Variants in ANGPT1 observed in about 807,000 individuals in gnomAD.
ANGPT1 encodes angiopoietin-1.
In ANGPT1, 17 loss-of-function variants were observed where a neutral mutation model predicts 62.2. The observed-to-expected ratio is 0.27, with a 90% CI of 0.19 to 0.41. The LOEUF (loss-of-function observed/expected upper bound fraction) is 0.41, where lower values mean the gene tolerates loss of function less well. Ranked by LOEUF, ANGPT1 falls within the 10% of genes least tolerant of loss-of-function variation. The pLI, the probability that ANGPT1 is intolerant of heterozygous loss-of-function variation, is 1.00. For synonymous variants in ANGPT1, 199 were observed against 198.9 expected (o/e 1.00, Z 0.00); for missense variants, 478 against 594.9 (o/e 0.80, Z 2.04).
intron 8 of ANGPT1, among the ~76,000 whole-genome samples, chr8:107,259,404 T>C (rs1813442158): frequency 6.6e-6 from 1 of 152,124 alleles, no homozygotes; most frequent in Non-Finnish European, 1.5e-5. Flanking sequence ...ATCTGGAAAG[T>C]TCTAGATGTA....
At chr8:107,324,590 T>C (rs1411109296) in intron 3 of ANGPT1, among the ~76,000 whole-genome samples, 1 of 152,094 alleles carries the variant, frequency 6.6e-6, no homozygotes, top group Non-Finnish European at 1.5e-5. Flanking sequence ...TACATTTCCA[T>C]TGTTTAGAAG....
chr8:107,269,608 G>A (rs969663972), intron 7 of ANGPT1, among the ~76,000 whole-genome samples: 4 of 151,954 alleles, frequency 2.6e-5, no homozygotes, highest in Non-Finnish European at 4.4e-5. Flanking sequence ...CTTGTGTTCA[G>A]CCAGTGTAGA....
chr8:107,398,716 C>A (rs1232729853), intron 1 of ANGPT1, among the ~76,000 whole-genome samples: 1 of 152,018 alleles, frequency 6.6e-6, no homozygotes, highest in East Asian at 1.9e-4. Flanking sequence ...TGTGCTATTA[C>A]AAAAACCAAC....
intron 1 of ANGPT1, among the ~76,000 whole-genome samples, chr8:107,442,383 A>C (rs1475249666): frequency 6.6e-6 from 1 of 152,152 alleles, no homozygotes; most frequent in African/African-American, 2.4e-5. Context: ...TTATGTTACC[A>C]TCTAATCTAG....
chr8:107,408,518 T>A (rs560873824), intron 1 of ANGPT1, among the ~76,000 whole-genome samples: 62 of 1,114 alleles, frequency 0.056, no homozygotes, highest in African/African-American at 0.14. Flanking sequence ...GGAGATAGGG[T>A]TGGGAGGGTG....
chr8:107,462,710 C>T (rs1812100302), intron 1 of ANGPT1, among the ~76,000 whole-genome samples: 3 of 152,094 alleles, frequency 2.0e-5, no homozygotes, highest in South Asian at 2.1e-4. Flanking sequence ...ACAACCCTCA[C>T]TACAAAGTAA....
In ANGPT1 at chr8:107,291,916, TAA is replaced by T. The variant is rs527279000; in HGVS notation, c.1038+2018_1038+2019del. ...TGGGGGGGGGGGGGGGCTTGCCACT[TAA>T]TAGGCAGTCTATTTGATGTTGGGAT... On this transcript the variant is annotated intron_variant, in intron 6 of 8. Coordinates refer to ENST00000517746, the MANE Select transcript of ANGPT1 (RefSeq NM_001146.5). Among the ~76,000 whole-genome samples the T allele has an allele frequency of 1.6e-3, 222 of 141,970 alleles. 2 individuals carry two copies. Among genetic ancestry groups the T allele is most frequent in the Non-Finnish European group, 2.6e-3 (169 of 65,980 alleles). The allele number at this position is 141,970 out of a possible 152,430, so 93.1% of individuals were successfully genotyped here.
intron 1 of ANGPT1, among the ~76,000 whole-genome samples, chr8:107,445,899 T>TTTAA (rs766890931): frequency 3.9e-5 from 6 of 152,150 alleles, no homozygotes; most frequent in South Asian, 2.1e-4. Context: ...ATGTTTATTA[T>TTTAA]TTAATTAATT....
chr8:107,355,074 G>GC (rs1816013685), intron 1 of ANGPT1, among the ~76,000 whole-genome samples: 1 of 151,588 alleles, frequency 6.6e-6, no homozygotes, highest in Non-Finnish European at 1.5e-5. Context: ...GCTAATTTTT[G>GC]TTTTTTTAGT....
chr8:107,360,461 C>T (rs1229341593), intron 1 of ANGPT1, among the ~76,000 whole-genome samples: 3 of 152,154 alleles, frequency 2.0e-5, no homozygotes, highest in Non-Finnish European at 4.4e-5. Flanking sequence ...CACTCTCTTT[C>T]CGCTTTATTC....
At chr8:107,263,478 GT>G (rs998212521) in intron 8 of ANGPT1, among the ~76,000 whole-genome samples, 1 of 151,832 alleles carries the variant, frequency 6.6e-6, no homozygotes. Context: ...ATGGATAAGG[GT>G]TTTTTGTTGT....
Position 107,267,530 on chromosome 8 carries a change from T to A in ANGPT1, c.1206-3179A>T, listed in dbSNP as rs556499384. Among the ~76,000 whole-genome samples, 5 of 152,280 alleles carry A rather than the reference T, an allele frequency of 3.3e-5. No individual in the cohort carries two copies. The South Asian group carries it at 1.0e-3, about 32-fold the overall frequency. ...TATTTAAGACTTGGAGGTCAGTTTC[T>A]AGTCTTGGCAGTTCTTCTCTGGATT... On this transcript the variant is annotated intron_variant, in intron 7 of 8. Coordinates refer to ENST00000517746, the MANE Select transcript of ANGPT1 (RefSeq NM_001146.5).
chr8:107,387,944 T>G (rs1816763394), intron 1 of ANGPT1, among the ~76,000 whole-genome samples: 1 of 152,110 alleles, frequency 6.6e-6, no homozygotes, highest in Non-Finnish European at 1.5e-5. Flanking sequence ...AAGAATATTT[T>G]GGGAATCTGT....
At chr8:107,389,056 A>G (rs1586281290) in intron 1 of ANGPT1, among the ~76,000 whole-genome samples, 1 of 152,262 alleles carries the variant, frequency 6.6e-6, no homozygotes, top group East Asian at 1.9e-4. Flanking sequence ...AATGGACCCA[A>G]TATTTCAATT....
chr8:107,449,211 T>C (rs1811697031), intron 1 of ANGPT1, among the ~76,000 whole-genome samples: 4 of 152,086 alleles, frequency 2.6e-5, no homozygotes, highest in Admixed American at 2.6e-4. Context: ...GATGCTGTAA[T>C]AGATAGTCAG....
chr8:107,318,889 T>A (rs1476384861), intron 4 of ANGPT1, among the ~76,000 whole-genome samples: 2 of 152,176 alleles, frequency 1.3e-5, no homozygotes, highest in Non-Finnish European at 1.5e-5. Context: ...ACAAAAGTTG[T>A]ATATATTTAT....
intron 4 of ANGPT1, among the ~76,000 whole-genome samples, chr8:107,307,753 C>A (rs1160886459): frequency 6.6e-6 from 1 of 152,146 alleles, no homozygotes; most frequent in African/African-American, 2.4e-5. Flanking sequence ...TCTATCATGG[C>A]TTCCAACTGC....
chr8:107,442,457 C>T (rs1811506707), intron 1 of ANGPT1, among the ~76,000 whole-genome samples: 1 of 152,136 alleles, frequency 6.6e-6, no homozygotes, highest in Non-Finnish European at 1.5e-5. Flanking sequence ...ACAAATGCCA[C>T]ATCTGCCTTG....
At chr8:107,351,166 T>G (rs1017848245) in intron 1 of ANGPT1, among the ~76,000 whole-genome samples, 1 of 152,136 alleles carries the variant, frequency 6.6e-6, no homozygotes, top group African/African-American at 2.4e-5. Flanking sequence ...TGCCAGAGTT[T>G]TATAAGTTAT....
Sources: allele counts gnomAD v4.1 joint callset (sites outside exome capture counted in the v4.1 genomes callset), GRCh38; gene constraint gnomAD v4.1.1; transcripts MANE v1.5; gene names NCBI Gene and HGNC (gene_info 2026-07-23, HGNC 2026-07-21).